Variants in TMEM87B observed in about 807,000 individuals in gnomAD.
TMEM87B encodes the protein transmembrane protein 87B.
In TMEM87B, 83 loss-of-function variants were observed where a neutral mutation model predicts 80.3. The observed-to-expected ratio is 1.03, with a 90% CI of 0.87 to 1.24. The LOEUF (loss-of-function observed/expected upper bound fraction) is 1.24. TMEM87B is among the 50% of genes most tolerant of loss of function. TMEM87B has a pLI of 0.00. For missense variants in TMEM87B, 625 were observed against 674.4 expected (o/e 0.93, Z 0.81); for synonymous variants, 219 against 230.5 (o/e 0.95, Z 0.45).
chr2:112,113,452 G>A (rs944239434), intron 18 of TMEM87B, among the ~76,000 whole-genome samples: 11 of 152,164 alleles, frequency 7.2e-5, no homozygotes, highest in Non-Finnish European at 1.6e-4. Flanking sequence ...GGAAGTTAGT[G>A]GTAGCTAAGT....
At chr2:112,098,948 A>T (rs1679551056) in intron 14 of TMEM87B, among the ~76,000 whole-genome samples, 2 of 152,226 alleles carry the variant, frequency 1.3e-5, no homozygotes, top group African/African-American at 4.8e-5. Flanking sequence ...GAGGAAAGGA[A>T]TAGGATAGCG....
At chr2:112,104,019 A>G (rs1186194352) in intron 15 of TMEM87B, among the ~76,000 whole-genome samples, 2 of 152,204 alleles carry the variant, frequency 1.3e-5, no homozygotes, top group African/African-American at 4.8e-5. Flanking sequence ...AATAAATGGT[A>G]CTGGAACAAC....
chr2:112,060,262 T>C lies in TMEM87B; in HGVS notation c.226+225T>C, dbSNP rs182133884. ...TACTTGGGAGGCTGAGGCAGGAGAA[T>C]CACTTGAACCCGGGAGGCAGAGCTT... On this transcript the variant is annotated intron_variant, in intron 2 of 18. Transcript: ENST00000283206. Among the ~76,000 whole-genome samples the C allele has an allele frequency of 1.1e-3, 160 of 151,464 alleles. 1 individual carries two copies. In the Middle Eastern group the frequency reaches 0.017, roughly 16 times the overall value.
In TMEM87B at chr2:112,066,968, T is replaced by C. The variant is rs1678455042; in HGVS notation, c.351T>C (p.Asp117=). 6.2e-7 allele frequency: 1 copy of C among 1,610,284 alleles called. No individual in the cohort carries two copies. Among genetic ancestry groups the C allele is most frequent in the African/African-American group, 1.3e-5 (1 of 74,776 alleles). The stretch of plus-strand genomic sequence containing the variant: ...TCCAAAAACATAAACTTAGTGTTGA[T>C]GAAGACTTTTGTCATTATTTGAAGA... ...ELFQKHKLSV[D]EDFCHYLKND... The change falls in exon 4 of 19, where the codon GAT becomes GAC. Residue 117 remains aspartate (D), a synonymous_variant. Coordinates refer to ENST00000283206, the MANE Select transcript of TMEM87B (RefSeq NM_032824.3).
intron 7 of TMEM87B, 77 bp downstream of exon 7, chr2:112,081,195 A>T: frequency 6.8e-7 from 1 of 1,476,652 alleles, no homozygotes; most frequent in Non-Finnish European, 9.4e-7. Context: ...GTAATTCCTC[A>T]GTAGTTAATG....
intron 9 of TMEM87B, among the ~76,000 whole-genome samples, chr2:112,086,952 A>C (rs1573708195): frequency 6.6e-6 from 1 of 152,070 alleles, no homozygotes; most frequent in African/African-American, 2.4e-5. Flanking sequence ...TCAAAATCTC[A>C]ATTTTAAGCA....
intron 4 of TMEM87B, among the ~76,000 whole-genome samples, chr2:112,071,320 G>GCCA (rs1678628312): frequency 3.9e-5 from 2 of 51,456 alleles, no homozygotes; most frequent in Non-Finnish European, 4.0e-5. Flanking sequence ...CCCCGCCGCC[G>GCCA]CCACCACTGC....
At chr2:112,077,347 C>A in intron 6 of TMEM87B, 65 bp downstream of exon 6, 1 of 769,546 alleles carries the variant, frequency 1.3e-6, no homozygotes, top group Non-Finnish European at 2.1e-6. Flanking sequence ...TTGTCACTGA[C>A]CTGAGTCAAC....
intron 9 of TMEM87B, among the ~76,000 whole-genome samples, chr2:112,086,601 CTTG>C (rs1186715782): frequency 6.6e-6 from 1 of 152,148 alleles, no homozygotes; most frequent in Non-Finnish European, 1.5e-5. Flanking sequence ...GATTTCTATC[CTTG>C]TTGTGTTTTT....
chr2:112,083,802 G>T (rs1286894462), intron 8 of TMEM87B, among the ~76,000 whole-genome samples: 1 of 152,136 alleles, frequency 6.6e-6, no homozygotes, highest in African/African-American at 2.4e-5. Context: ...AACATTTATT[G>T]TGTGACTATG....
intron 17 of TMEM87B, among the ~76,000 whole-genome samples, chr2:112,111,868 C>T (rs1156857043): frequency 2.6e-5 from 4 of 152,200 alleles, no homozygotes; most frequent in African/African-American, 4.8e-5. Context: ...TGCACTGAAT[C>T]GTTCTTAATA....
chr2:112,093,809 C>T (rs1278145586), intron 11 of TMEM87B, among the ~76,000 whole-genome samples: 2 of 152,176 alleles, frequency 1.3e-5, no homozygotes, highest in Non-Finnish European at 2.9e-5. Context: ...GTCTGTAGGT[C>T]CCACAGGACT....
chr2:112,110,731 C>T (rs375680565), intron 17 of TMEM87B, among the ~76,000 whole-genome samples: 10 of 151,946 alleles, frequency 6.6e-5, no homozygotes, highest in Admixed American at 4.6e-4. Context: ...CTTCTCCCAC[C>T]GCCCCCCCCA....
chr2:112,062,114 A>C (rs1051513345), intron 2 of TMEM87B, among the ~76,000 whole-genome samples: 1 of 152,242 alleles, frequency 6.6e-6, no homozygotes, highest in Non-Finnish European at 1.5e-5. Flanking sequence ...GGTAATCATG[A>C]AAGTGAGTAA....
At chr2:112,057,139 G>A (rs1678099562) in intron 1 of TMEM87B, among the ~76,000 whole-genome samples, 1 of 152,164 alleles carries the variant, frequency 6.6e-6, no homozygotes, top group Non-Finnish European at 1.5e-5. Context: ...GTGTGACCCT[G>A]GGCCGCCAGA....
chr2:112,093,346 T>C (rs1156622825), intron 11 of TMEM87B, among the ~76,000 whole-genome samples: 2 of 152,366 alleles, frequency 1.3e-5, no homozygotes, highest in East Asian at 3.9e-4. Flanking sequence ...CAGTGATTCT[T>C]AACCTTGTTT....
At chr2:112,095,236 T>C (rs1439478736) in intron 11 of TMEM87B, 28 of 968,060 alleles carry the variant, frequency 2.9e-5, no homozygotes, top group Non-Finnish European at 3.4e-5. Flanking sequence ...AGGTGAGTGA[T>C]TCTGATCTTG....
intron 7 of TMEM87B, 87 bp downstream of exon 7, chr2:112,081,205 G>T (rs1161789405): frequency 9.6e-6 from 14 of 1,455,992 alleles, no homozygotes; most frequent in Non-Finnish European, 1.2e-5. Context: ...AGTAGTTAAT[G>T]CTTTGACATA....
At chr2:112,097,581 C>T (rs971652632) in intron 13 of TMEM87B, among the ~76,000 whole-genome samples, 5 of 151,828 alleles carry the variant, frequency 3.3e-5, no homozygotes, top group Admixed American at 2.0e-4. Context: ...AAAAAATTAG[C>T]GGGTGCCTGT....
Sources: allele counts gnomAD v4.1 joint callset (sites outside exome capture counted in the v4.1 genomes callset), GRCh38; gene constraint gnomAD v4.1.1; transcripts MANE v1.5; gene names NCBI Gene and HGNC (gene_info 2026-07-23, HGNC 2026-07-21).